The following LHFPL3 variants were observed in gnomAD, a reference collection of about 807,000 sequenced individuals.
LHFPL3 encodes the protein LHFPL tetraspan subfamily member 3 protein.
A neutral mutation model predicts 19.3 loss-of-function variants in LHFPL3; 5 were observed. That is an observed-to-expected ratio of 0.26 (90% CI 0.14 to 0.54). The LOEUF (loss-of-function observed/expected upper bound fraction) is 0.54, where lower values mean the gene tolerates loss of function less well. Among genes scored for constraint, LHFPL3 ranks in the 20% least tolerant of loss-of-function variants. The pLI, the probability that LHFPL3 is intolerant of heterozygous loss-of-function variation, is 0.94. For missense variants in LHFPL3, 249 were observed against 307.4 expected, an observed-to-expected ratio of 0.81 and a Z score of 1.42; for synonymous variants, 133 against 126.2, an observed-to-expected ratio of 1.05 and a Z score of -0.36.
intron 1 of LHFPL3, among the ~76,000 whole-genome samples, chr7:104,382,840 GC>G (rs1359634457): frequency 1.3e-5 from 2 of 152,192 alleles, no homozygotes; most frequent in African/African-American, 4.8e-5. Context: ...GCACTCACCT[GC>G]TGTATGATTA....
At chr7:104,818,398 A>AG (rs941082522) in intron 2 of LHFPL3, among the ~76,000 whole-genome samples, 3 of 151,936 alleles carry the variant, frequency 2.0e-5, no homozygotes, top group African/African-American at 7.3e-5. Flanking sequence ...AAAAAAAAAA[A>AG]AAAAAACAGG....
intron 2 of LHFPL3, among the ~76,000 whole-genome samples, chr7:104,743,862 C>G (rs1793986720): frequency 6.6e-6 from 1 of 152,026 alleles, no homozygotes; most frequent in Non-Finnish European, 1.5e-5. Context: ...GAGACAGGGT[C>G]TCACGCTCAC....
intron 1 of LHFPL3, among the ~76,000 whole-genome samples, chr7:104,342,697 C>T (rs1272604192): frequency 1.3e-5 from 2 of 152,180 alleles, no homozygotes; most frequent in African/African-American, 2.4e-5. Context: ...ATACTTTTTC[C>T]GTCTTATACT....
At chr7:104,619,781 G>A (rs1392935016) in intron 1 of LHFPL3, among the ~76,000 whole-genome samples, 1 of 152,054 alleles carries the variant, frequency 6.6e-6, no homozygotes, top group Non-Finnish European at 1.5e-5. Flanking sequence ...ATGTAATACA[G>A]TAGTCCCCAA....
chr7:104,587,167 C>T (rs1260489231), intron 1 of LHFPL3, among the ~76,000 whole-genome samples: 2 of 152,010 alleles, frequency 1.3e-5, no homozygotes, highest in South Asian at 2.1e-4. Flanking sequence ...GTGTGCACAA[C>T]GTGCAGGTCT....
intron 1 of LHFPL3, among the ~76,000 whole-genome samples, chr7:104,538,367 C>T (rs1326469263): frequency 3.3e-5 from 5 of 152,212 alleles, no homozygotes; most frequent in South Asian, 2.1e-4. Context: ...AGCTGAGTTA[C>T]GAAAGCTAGA....
intron 1 of LHFPL3, among the ~76,000 whole-genome samples, chr7:104,346,443 A>G (rs1165682855): frequency 1.3e-5 from 2 of 151,698 alleles, no homozygotes; most frequent in African/African-American, 2.4e-5. Context: ...CATGAGCTCC[A>G]AACATCAAAG....
At chr7:104,878,166 T>C (rs1178445459) in intron 2 of LHFPL3, among the ~76,000 whole-genome samples, 1 of 152,006 alleles carries the variant, frequency 6.6e-6, no homozygotes, top group African/African-American at 2.4e-5. Flanking sequence ...AGCCCAAAGA[T>C]GGAAACAGCC....
chr7:104,583,388 G>C (rs1221625807), intron 1 of LHFPL3, among the ~76,000 whole-genome samples: 1 of 152,114 alleles, frequency 6.6e-6, no homozygotes, highest in Non-Finnish European at 1.5e-5. Context: ...TACCATTCAG[G>C]ACATAGGCAT....
chr7:104,432,302 G>T (rs143337931), intron 1 of LHFPL3, among the ~76,000 whole-genome samples: 19 of 152,176 alleles, frequency 1.2e-4, no homozygotes, highest in African/African-American at 3.9e-4. Flanking sequence ...CAATAGCCAG[G>T]GTTGGCTCAT....
chr7:104,620,774 G>T (rs535772989), intron 1 of LHFPL3, among the ~76,000 whole-genome samples: 2 of 152,300 alleles, frequency 1.3e-5, no homozygotes, highest in South Asian at 4.1e-4. Flanking sequence ...CAGTTTGGGG[G>T]TTTATGATCA....
At chr7:104,496,180 T>C (rs1474563462) in intron 1 of LHFPL3, among the ~76,000 whole-genome samples, 1 of 152,190 alleles carries the variant, frequency 6.6e-6, no homozygotes, top group South Asian at 2.1e-4. Flanking sequence ...CCATGCGTTC[T>C]CGTTGTTCAA....
At chr7:104,744,016 A>AC (rs1793990900) in intron 2 of LHFPL3, 1 of 145,226 alleles carries the variant, frequency 6.9e-6, no homozygotes, top group Admixed American at 6.8e-5. Context: ...TTTTTTTGGT[A>AC]CTTTTTTTTT....
At chr7:104,427,183 G>T (rs1791864148) in intron 1 of LHFPL3, among the ~76,000 whole-genome samples, 1 of 152,192 alleles carries the variant, frequency 6.6e-6, no homozygotes, top group Non-Finnish European at 1.5e-5. Context: ...TGCCAGAAGG[G>T]AAGAAAGGAG....
intron 1 of LHFPL3, among the ~76,000 whole-genome samples, chr7:104,374,208 ATGTGTGTGTGTGTGTGTG>A (rs1006955104): frequency 3.4e-5 from 5 of 147,046 alleles, no homozygotes; most frequent in Non-Finnish European, 1.5e-5. Flanking sequence ...CTATCTATAT[ATGTGTGTGTGTGTGTGTG>A]TGTGTGTGTG....
chr7:104,723,335 A>T (rs1289370744), intron 1 of LHFPL3, among the ~76,000 whole-genome samples: 1 of 152,028 alleles, frequency 6.6e-6, no homozygotes, highest in Non-Finnish European at 1.5e-5. Context: ...TTTGTTGTTT[A>T]CTCTGTGTCA....
chr7:104,555,502 T>A (rs1311958339), intron 1 of LHFPL3, among the ~76,000 whole-genome samples: 1 of 152,142 alleles, frequency 6.6e-6, no homozygotes, highest in East Asian at 1.9e-4. Flanking sequence ...TTTAAAACCA[T>A]CAGATCTCAT....
chr7:104,408,502 T>G (rs1020455425), intron 1 of LHFPL3, among the ~76,000 whole-genome samples: 2 of 152,198 alleles, frequency 1.3e-5, no homozygotes, highest in African/African-American at 2.4e-5. Context: ...TTGATCAATA[T>G]TGAACCATAT....
intron 1 of LHFPL3, chr7:104,669,513 C>T (rs1030543789): frequency 4.8e-5 from 77 of 1,611,826 alleles, no homozygotes; most frequent in Non-Finnish European, 3.1e-5. Flanking sequence ...GTTCTGCAAG[C>T]AAGTATGCTG....
Sources: allele counts gnomAD v4.1 joint callset (sites outside exome capture counted in the v4.1 genomes callset), GRCh38; gene constraint gnomAD v4.1.1; transcripts MANE v1.5; gene names NCBI Gene and HGNC (gene_info 2026-07-23, HGNC 2026-07-21).